The following OPCML variants were observed in gnomAD, a reference collection of about 807,000 sequenced individuals.
OPCML encodes the protein opioid-binding protein/cell adhesion molecule.
OPCML carries 13 observed loss-of-function variants against 37.8 expected under a neutral mutation model. That is an observed-to-expected ratio of 0.34 (90% confidence interval 0.22 to 0.55). The LOEUF is 0.55. Among genes scored for constraint, OPCML ranks in the 20% least tolerant of loss-of-function variants. The pLI, the probability that OPCML is intolerant of heterozygous loss-of-function variation, is 0.91. For missense variants in OPCML, 341 were observed against 435.6 expected, an observed-to-expected ratio of 0.78 and a Z score of 1.93; for synonymous variants, 176 against 168.8, an observed-to-expected ratio of 1.04 and a Z score of -0.33.
intron 1 of OPCML, among the ~76,000 whole-genome samples, chr11:133,181,220 C>A (rs976004154): frequency 1.3e-5 from 2 of 152,116 alleles, no homozygotes; most frequent in African/African-American, 4.8e-5. Context: ...GGAACCTACA[C>A]ATGAGAAAAC....
intron 1 of OPCML, chr11:133,301,458 G>A (rs964488229): frequency 6.6e-6 from 1 of 152,108 alleles, no homozygotes; most frequent in Non-Finnish European, 1.5e-5. Context: ...ACAAAAATAC[G>A]AATTTGAGGT....
chr11:132,645,778 T>G (rs1048884559), intron 3 of OPCML, among the ~76,000 whole-genome samples: 3 of 152,232 alleles, frequency 2.0e-5, no homozygotes, highest in Non-Finnish European at 4.4e-5. Context: ...TAAATAAAAC[T>G]AAAGACTTGG....
intron 3 of OPCML, among the ~76,000 whole-genome samples, chr11:132,558,722 T>C (rs2096403841): frequency 1.3e-5 from 2 of 151,738 alleles, no homozygotes. Context: ...TAACCATAAG[T>C]GATCATTCTA....
intron 1 of OPCML, among the ~76,000 whole-genome samples, chr11:133,128,567 T>C (rs1949555017): frequency 1.3e-5 from 2 of 152,138 alleles, no homozygotes; most frequent in South Asian, 4.2e-4. Context: ...TCCCTGCCAG[T>C]GGAGAGGACC....
chr11:132,519,323 T>A lies in OPCML; in HGVS notation c.505+9738A>T, dbSNP rs150348098. Reference sequence around the variant, plus strand: ...CATTTCTGAGACTTCCAGTGTTAGGTTAGCACTCCGGAGTTTGGGTCAGGG... The same window carrying A: ...CATTTCTGAGACTTCCAGTGTTAGGATAGCACTCCGGAGTTTGGGTCAGGG... On this transcript the variant is annotated intron_variant, in intron 4 of 7. Transcript: ENST00000524381. Among the ~76,000 whole-genome samples the A allele has an allele frequency of 2.0e-5, 3 of 152,158 alleles. No individual in the cohort carries two copies. The East Asian group carries it at 5.8e-4, about 30-fold the overall frequency.
intron 1 of OPCML, chr11:133,067,785 C>A (rs924119389): frequency 6.6e-6 from 1 of 152,202 alleles, no homozygotes; most frequent in African/African-American, 2.4e-5. Context: ...ATCCCTCAAC[C>A]CTGACATGGC....
chr11:132,872,534 G>A (rs962180993), intron 2 of OPCML, among the ~76,000 whole-genome samples: 1 of 152,116 alleles, frequency 6.6e-6, no homozygotes, highest in Non-Finnish European at 1.5e-5. Flanking sequence ...GTGACTGGCA[G>A]GACAAAGATT....
At chr11:132,597,048 G>C (rs563176378) in intron 3 of OPCML, among the ~76,000 whole-genome samples, 11 of 152,206 alleles carry the variant, frequency 7.2e-5, no homozygotes, top group African/African-American at 2.6e-4. Flanking sequence ...AGCATTTATT[G>C]AGACACTATC....
At position 133,148,513 on chromosome 11, in the gene OPCML, ATC is replaced by A. The variant is rs559214023; in HGVS notation, c.62-205505_62-205504del. 3.3e-3 allele frequency among the ~76,000 whole-genome samples: 507 copies of A among 152,328 alleles called. 3 individuals carry two copies. The highest frequency in any genetic ancestry group is 6.3e-3 in the Non-Finnish European group (427 of 68,024). ...TCACAGCCCTGGGCACTGGTTTGGA[ATC>A]TCTGTCCACTTTGCAGGAGACTGGC... On this transcript the variant is annotated intron_variant, in intron 1 of 7. Coordinates refer to ENST00000524381, the MANE Select transcript of OPCML (RefSeq NM_001012393.5).
intron 2 of OPCML, among the ~76,000 whole-genome samples, chr11:132,669,973 T>C (rs185144666): frequency 6.6e-6 from 1 of 152,272 alleles, no homozygotes; most frequent in Admixed American, 6.5e-5. Flanking sequence ...ATTCTTGTTA[T>C]TTATTTGTCA....
intron 2 of OPCML, among the ~76,000 whole-genome samples, chr11:132,745,441 G>C (rs975892305): frequency 6.6e-6 from 1 of 150,894 alleles, no homozygotes; most frequent in African/African-American, 2.5e-5. Flanking sequence ...TTAAGCACTT[G>C]TCAGTTGATG....
intron 2 of OPCML, among the ~76,000 whole-genome samples, chr11:132,899,475 T>G (rs1265170970): frequency 3.9e-5 from 6 of 152,136 alleles, no homozygotes; most frequent in Non-Finnish European, 8.8e-5. Context: ...AGGGAAGAGA[T>G]TAGTGCATTT....
intron 4 of OPCML, among the ~76,000 whole-genome samples, chr11:132,470,034 G>A (rs1271573180): frequency 6.6e-6 from 1 of 152,046 alleles, no homozygotes; most frequent in Non-Finnish European, 1.5e-5. Flanking sequence ...AGTCCTGCAA[G>A]AGATGTTTGA....
chr11:133,017,247 A>G (rs2136891714), intron 1 of OPCML, among the ~76,000 whole-genome samples: 1 of 152,176 alleles, frequency 6.6e-6, no homozygotes, highest in East Asian at 1.9e-4. Context: ...CACCTCCCAA[A>G]GGCTCTTCCT....
At chr11:132,822,390 C>T (rs1940048643) in intron 2 of OPCML, among the ~76,000 whole-genome samples, 1 of 152,178 alleles carries the variant, frequency 6.6e-6, no homozygotes, top group Non-Finnish European at 1.5e-5. Flanking sequence ...ATGCAAAACT[C>T]TGCACTCGGT....
chr11:132,980,951 G>A (rs1222042154), intron 1 of OPCML, among the ~76,000 whole-genome samples: 2 of 152,212 alleles, frequency 1.3e-5, no homozygotes, highest in Non-Finnish European at 2.9e-5. Flanking sequence ...AAACATCAGA[G>A]AGCACTTACA....
intron 1 of OPCML, among the ~76,000 whole-genome samples, chr11:133,310,516 CA>C (rs1390637481): frequency 1.3e-5 from 2 of 152,156 alleles, no homozygotes; most frequent in Non-Finnish European, 2.9e-5. Flanking sequence ...TTCCCCTCAC[CA>C]TTTCTTAGAG....
chr11:132,966,946 T>C (rs1018238403), intron 1 of OPCML, among the ~76,000 whole-genome samples: 2 of 152,090 alleles, frequency 1.3e-5, no homozygotes, highest in African/African-American at 2.4e-5. Context: ...CTCCCATAGA[T>C]AGTATGTAGT....
intron 2 of OPCML, among the ~76,000 whole-genome samples, chr11:132,749,548 T>C (rs1292514484): frequency 1.3e-5 from 2 of 152,162 alleles, no homozygotes; most frequent in African/African-American, 4.8e-5. Flanking sequence ...ATGTAGGCAG[T>C]TGAATGCACA....
Sources: allele counts gnomAD v4.1 joint callset (sites outside exome capture counted in the v4.1 genomes callset), GRCh38; gene constraint gnomAD v4.1.1; transcripts MANE v1.5; gene names NCBI Gene and HGNC (gene_info 2026-07-23, HGNC 2026-07-21).